UBTD2: variants seen among roughly 807,000 people sequenced by gnomAD.
UBTD2 encodes ubiquitin domain-containing protein 2.
A neutral mutation model predicts 19.8 loss-of-function variants in UBTD2; 9 were observed. That is an observed-to-expected ratio of 0.46 (90% CI 0.27 to 0.79). The LOEUF (loss-of-function observed/expected upper bound fraction) is 0.79. Ranked by LOEUF, UBTD2 falls within the 30% of genes least tolerant of loss-of-function variation. The pLI, the probability that UBTD2 is intolerant of heterozygous loss-of-function variation, is 0.14. For missense variants in UBTD2, 250 were observed against 300.4 expected, an observed-to-expected ratio of 0.83 and a Z score of 1.24; for synonymous variants, 98 against 103.9, an observed-to-expected ratio of 0.94 and a Z score of 0.35.
At chr5:172,220,333 A>G (rs570145714) in intron 2 of UBTD2, among the ~76,000 whole-genome samples, 2 of 152,332 alleles carry the variant, frequency 1.3e-5, no homozygotes, top group South Asian at 4.1e-4. Context: ...GATAAAGAAT[A>G]TCTACAAAAA....
chr5:172,251,314 C>CAAAAAAAAAAAGAAAAAAAAAAAA (rs1755008943), intron 1 of UBTD2, among the ~76,000 whole-genome samples: 4 of 118,242 alleles, frequency 3.4e-5, no homozygotes, highest in African/African-American at 1.4e-4. Flanking sequence ...GAGCCTATCT[C>CAAAAAAAAAAAGAAAAAAAAAAAA]AAAAAAAAAA....
chr5:172,221,828 G>A (rs1462668468), intron 2 of UBTD2, among the ~76,000 whole-genome samples: 1 of 152,120 alleles, frequency 6.6e-6, no homozygotes, highest in African/African-American at 2.4e-5. Flanking sequence ...AACACCAAGA[G>A]TGAACCCTGA....
intron 1 of UBTD2, among the ~76,000 whole-genome samples, chr5:172,259,596 A>C (rs1755226387): frequency 6.6e-6 from 1 of 152,168 alleles, no homozygotes; most frequent in African/African-American, 2.4e-5. Context: ...TGTATACACC[A>C]TATAAATGTA....
chr5:172,230,084 G>A (rs1298383767), intron 2 of UBTD2, among the ~76,000 whole-genome samples: 1 of 152,132 alleles, frequency 6.6e-6, no homozygotes, highest in Non-Finnish European at 1.5e-5. Context: ...AAAATCACAT[G>A]GGGAGCTTTT....
At chr5:172,273,212 T>C (rs765676320) in intron 1 of UBTD2, among the ~76,000 whole-genome samples, 4 of 152,154 alleles carry the variant, frequency 2.6e-5, no homozygotes, top group African/African-American at 4.8e-5. Flanking sequence ...GTCCATAAAA[T>C]GCAGCACTAA....
intron 1 of UBTD2, among the ~76,000 whole-genome samples, chr5:172,276,819 C>T (rs1046231746): frequency 1.3e-5 from 2 of 151,922 alleles, no homozygotes; most frequent in Admixed American, 6.6e-5. Context: ...AACTGTAATT[C>T]CAGCACTTTG....
intron 1 of UBTD2, chr5:172,252,258 T>G (rs942308612): frequency 6.6e-6 from 1 of 152,196 alleles, no homozygotes; most frequent in African/African-American, 2.4e-5. Context: ...TTTGAGAGGT[T>G]TTAAGGCTCC....
At chr5:172,280,147 A>C (rs1387228278) in intron 1 of UBTD2, among the ~76,000 whole-genome samples, 1 of 152,002 alleles carries the variant, frequency 6.6e-6, no homozygotes, top group Non-Finnish European at 1.5e-5. Flanking sequence ...GGAGCATGGA[A>C]GCTTAGAACT....
At chr5:172,227,238 G>C (rs1424779471) in intron 2 of UBTD2, among the ~76,000 whole-genome samples, 1 of 152,180 alleles carries the variant, frequency 6.6e-6, no homozygotes, top group Admixed American at 6.6e-5. Flanking sequence ...TCTCACCTCA[G>C]CTGTTTGCAG....
intron 2 of UBTD2, among the ~76,000 whole-genome samples, chr5:172,228,623 AG>A (rs199609753): frequency 0.014 from 2,173 of 152,218 alleles, 28 homozygotes; most frequent in Non-Finnish European, 0.023. Flanking sequence ...CGGGAGGCTG[AG>A]GCACAAGAAT....
chr5:172,277,846 C>A (rs1367599744), intron 1 of UBTD2, among the ~76,000 whole-genome samples: 3 of 144,758 alleles, frequency 2.1e-5, no homozygotes, highest in Admixed American at 6.8e-5. Flanking sequence ...AAAACTCTTA[C>A]CACTCAAAAA....
intron 1 of UBTD2, among the ~76,000 whole-genome samples, chr5:172,250,280 C>T (rs1282611515): frequency 6.6e-6 from 1 of 152,056 alleles, no homozygotes; most frequent in African/African-American, 2.4e-5. Context: ...CAAATCTTCC[C>T]ATAAAATACT....
intron 1 of UBTD2, among the ~76,000 whole-genome samples, chr5:172,239,699 G>A (rs370894133): frequency 1.2e-4 from 18 of 152,102 alleles, no homozygotes; most frequent in East Asian, 5.8e-4. Flanking sequence ...GGGATTACAG[G>A]CATGAGCCAC....
At position 172,218,775 on chromosome 5, in the gene UBTD2, CA is replaced by C. The variant is rs1196929218; in HGVS notation, c.308-6549del. 6.0e-3 allele frequency among the ~76,000 whole-genome samples: 301 copies of C among 50,468 alleles called. 1 individual carries two copies. The highest frequency in any genetic ancestry group is 8.6e-3 in the Non-Finnish European group (209 of 24,190). 33.1% of individuals were successfully genotyped at this position (50,468 alleles called of 152,430 possible). ...TGGGCAAAGAGTCAGACCCTGTCAC[CA>C]AAAAAAAAAAAAATAAAAAAATAAA... On this transcript the variant is annotated intron_variant, in intron 2 of 2. Transcript: ENST00000393792.
At chr5:172,271,532 C>T (rs1393829882) in intron 1 of UBTD2, among the ~76,000 whole-genome samples, 1 of 151,842 alleles carries the variant, frequency 6.6e-6, no homozygotes, top group Non-Finnish European at 1.5e-5. Flanking sequence ...ATATTCATTG[C>T]TCTAGAGACT....
In UBTD2 at chr5:172,212,132, C is replaced by G; in HGVS notation, c.403G>C (p.Asp135His). 6.2e-7 allele frequency: 1 copy of G among 1,614,206 alleles called. No individual in the cohort carries two copies. Among genetic ancestry groups the G allele is most frequent in the Non-Finnish European group, 8.5e-7 (1 of 1,180,044 alleles). Reference sequence around the variant, plus strand: ...TCAGGAATATCCAGAGTCTCTATGTCGCTCTTTTCCTCTATCATGTTGATT... The same window carrying G: ...TCAGGAATATCCAGAGTCTCTATGTGGCTCTTTTCCTCTATCATGTTGATT... ...PPINMIEEKSDIETLDIPEPP... is the reference protein window; with the variant it reads ...PPINMIEEKSHIETLDIPEPP... Residue 135 changes from aspartate to histidine, a missense_variant, in exon 3 of 3, where the codon GAC becomes CAC. Asp to His is a moderately conservative substitution (Grantham distance 81, BLOSUM62 -1). Transcript: ENST00000393792.
chr5:172,250,933 C>CAAAAA (rs56280728), intron 1 of UBTD2, among the ~76,000 whole-genome samples: 8 of 43,948 alleles, frequency 1.8e-4, no homozygotes, highest in African/African-American at 7.1e-4. Flanking sequence ...GACCCTGTCT[C>CAAAAA]AAAAAAAAAA....
intron 1 of UBTD2, among the ~76,000 whole-genome samples, chr5:172,273,259 A>T (rs1475506213): frequency 2.7e-5 from 4 of 150,416 alleles, no homozygotes; most frequent in African/African-American, 4.9e-5. Flanking sequence ...TGGAGATGAA[A>T]ACATCCTCAA....
At chr5:172,233,435 T>TC (rs34553919) in intron 2 of UBTD2, among the ~76,000 whole-genome samples, 1 of 151,956 alleles carries the variant, frequency 6.6e-6, no homozygotes, top group African/African-American at 2.4e-5. Flanking sequence ...TGAAAAATTC[T>TC]ATGTTTCTCA....
Sources: allele counts gnomAD v4.1 joint callset (sites outside exome capture counted in the v4.1 genomes callset), GRCh38; gene constraint gnomAD v4.1.1; transcripts MANE v1.5; gene names NCBI Gene and HGNC (gene_info 2026-07-23, HGNC 2026-07-21).